LNPK: variants seen among roughly 807,000 people sequenced by gnomAD.
LNPK encodes endoplasmic reticulum junction formation protein lunapark.
A neutral mutation model predicts 55.2 loss-of-function variants in LNPK; 29 were observed. The observed-to-expected ratio is 0.53, with a 90% CI of 0.39 to 0.72. The LOEUF is 0.72. Ranked by LOEUF, LNPK falls within the 30% of genes least tolerant of loss-of-function variation. The pLI, the probability that LNPK is intolerant of heterozygous loss-of-function variation, is 0.00. For missense variants in LNPK, 467 were observed against 494.8 expected, an observed-to-expected ratio of 0.94 and a Z score of 0.53; for synonymous variants, 162 against 168.2, an observed-to-expected ratio of 0.96 and a Z score of 0.29.
At chr2:175,977,198 G>A (rs950857254) in intron 5 of LNPK, among the ~76,000 whole-genome samples, 3 of 152,154 alleles carry the variant, frequency 2.0e-5, no homozygotes, top group African/African-American at 7.2e-5. Context: ...TAACAAATAG[G>A]CAATATCTGA....
At chr2:175,934,959 T>G (rs960405801) in intron 12 of LNPK, among the ~76,000 whole-genome samples, 2 of 152,164 alleles carry the variant, frequency 1.3e-5, no homozygotes, top group Admixed American at 1.3e-4. Context: ...AGATTCTGTA[T>G]GTTTTTCTAA....
intron 1 of LNPK, 147 bp downstream of exon 1, chr2:176,002,013 C>T: frequency 3.5e-6 from 1 of 289,420 alleles, no homozygotes; most frequent in Non-Finnish European, 6.8e-6. Context: ...GACTAGCAGC[C>T]GCCGCAGAGC....
Position 175,964,556 on chromosome 2 carries a change from T to C in LNPK, c.391A>G (p.Thr131Ala), listed in dbSNP as rs776586339. Reference protein sequence around the residue: ...EEVMEKETYKTAKLILERFDP... With the variant: ...EEVMEKETYKAAKLILERFDP... ...AACCTTTCAAGAATTAATTTAGCCG[T>C]CTTGTAAGTTTCTTTTTCCATGACT... The change falls in exon 7 of 13, where the codon ACG becomes GCG. Residue 131 changes from threonine to alanine, a missense_variant. Physicochemically the swap from Thr to Ala is moderately conservative, Grantham distance 58. Transcript: ENST00000272748. The C allele has an allele frequency of 2.5e-6, 4 of 1,610,650 alleles. No individual in the cohort carries two copies. The highest frequency in any genetic ancestry group is 3.4e-6 in the Non-Finnish European group (4 of 1,177,818).
intron 8 of LNPK, among the ~76,000 whole-genome samples, chr2:175,951,306 T>C (rs1685385584): frequency 6.6e-6 from 1 of 151,936 alleles, no homozygotes; most frequent in Admixed American, 6.6e-5. Flanking sequence ...TTTAAGATCT[T>C]GGTGCACCCA....
intron 9 of LNPK, among the ~76,000 whole-genome samples, chr2:175,944,682 T>C (rs1685034966): frequency 4.6e-5 from 7 of 152,116 alleles, no homozygotes; most frequent in African/African-American, 9.7e-5. Context: ...CCCTGCAATA[T>C]AGGGATACAA....
In LNPK at chr2:175,924,692, A is replaced by T. The variant is rs1410814647; in HGVS notation, c.*5275T>A. 1 of 79,036 alleles carries T rather than the reference A, an allele frequency of 1.3e-5. No individual in the cohort carries two copies. The highest frequency in any genetic ancestry group is 4.4e-5 in the African/African-American group (1 of 22,534). 4.9% of individuals were successfully genotyped at this position (79,036 alleles called of 1,614,324 possible). On this transcript the variant is annotated 3_prime_UTR_variant, in exon 13 of 13. Transcript: ENST00000272748. ...TAATTTACTGAAAAAAAAACAAAAC[A>T]AACAAAAAAAAAAAACAAAGAAGAA...
At chr2:175,980,049 G>A (rs1381877473) in intron 4 of LNPK, among the ~76,000 whole-genome samples, 181 bp from the exon 5 acceptor site, 2 of 152,148 alleles carry the variant, frequency 1.3e-5, no homozygotes, top group Non-Finnish European at 2.9e-5. Context: ...TTCAAAGGAG[G>A]AGTTCTCAAC....
chr2:175,967,908 A>G (rs2105642988), intron 6 of LNPK: 1 of 301,938 alleles, frequency 3.3e-6, no homozygotes, highest in South Asian at 1.3e-4. Context: ...ATAGAGAATA[A>G]AAGCTAAAAT....
chr2:175,932,405 A>T (rs1022866471), intron 12 of LNPK, among the ~76,000 whole-genome samples: 3 of 152,208 alleles, frequency 2.0e-5, no homozygotes, highest in African/African-American at 4.8e-5. Flanking sequence ...GAAGTCTTCC[A>T]GTCACTACTG....
At chr2:175,941,827 GA>G (rs1684860796) in intron 9 of LNPK, among the ~76,000 whole-genome samples, 1 of 122,200 alleles carries the variant, frequency 8.2e-6, no homozygotes, top group Non-Finnish European at 1.7e-5. Flanking sequence ...AAAGAAGAGA[GA>G]GAGAAATCTT....
chr2:175,937,226 A>C, intron 12 of LNPK, 118 bp downstream of exon 12: 1 of 932,380 alleles, frequency 1.1e-6, no homozygotes, highest in South Asian at 1.7e-5. Context: ...GCCGTAGTTG[A>C]CATATGCATG....
intron 4 of LNPK, among the ~76,000 whole-genome samples, chr2:175,987,911 G>A (rs937602879): frequency 6.6e-6 from 1 of 152,088 alleles, no homozygotes; most frequent in African/African-American, 2.4e-5. Context: ...AGAGGACAGC[G>A]TAAACATTTT....
intron 6 of LNPK, among the ~76,000 whole-genome samples, chr2:175,968,599 ATAAC>A (rs1686489564): frequency 1.3e-5 from 2 of 152,320 alleles, no homozygotes; most frequent in South Asian, 2.1e-4. Flanking sequence ...AATTTTTTAG[ATAAC>A]TAAAGATTAC....
intron 4 of LNPK, among the ~76,000 whole-genome samples, chr2:175,989,345 T>C (rs1386102398): frequency 6.6e-6 from 1 of 152,124 alleles, no homozygotes; most frequent in East Asian, 1.9e-4. Flanking sequence ...CAACCCCATT[T>C]TGAGAGGCAA....
At chr2:175,967,815 T>C in intron 6 of LNPK, 1 of 919,840 alleles carries the variant, frequency 1.1e-6, no homozygotes, top group South Asian at 5.0e-5. Flanking sequence ...AAGGTGAATA[T>C]TCAAACACTG....
At chr2:175,936,456 A>G (rs13411253) in intron 12 of LNPK, among the ~76,000 whole-genome samples, 41,602 of 152,092 alleles carry the variant, frequency 0.27, 6,319 homozygotes, top group South Asian at 0.42. Context: ...GATAATTCCT[A>G]GAAATTAAAA....
chr2:175,950,880 T>G (rs1309479458), intron 8 of LNPK, among the ~76,000 whole-genome samples: 1 of 152,146 alleles, frequency 6.6e-6, no homozygotes, highest in African/African-American at 2.4e-5. Context: ...ACGATTATTA[T>G]AAATCAAAAA....
chr2:175,979,705 T>C (rs1171894513), intron 5 of LNPK, 105 bp downstream of exon 5: 10 of 983,066 alleles, frequency 1.0e-5, no homozygotes, highest in African/African-American at 8.3e-5. Context: ...TCTTCAATAC[T>C]TAACACATTA....
At position 175,928,509 on chromosome 2, in the gene LNPK, C is replaced by CAAAAAA. The variant is rs35161150; in HGVS notation, c.*1452_*1457dup. 1 of 107,150 alleles carries CAAAAAA rather than the reference C, an allele frequency of 9.3e-6. No individual in the cohort carries two copies. Among genetic ancestry groups the CAAAAAA allele is most frequent in the Non-Finnish European group, 1.9e-5 (1 of 53,114 alleles). 6.6% of individuals were successfully genotyped at this position (107,150 alleles called of 1,614,324 possible). A position where few individuals can be genotyped will look rare whatever the true frequency, so the allele number is the denominator to read the frequency against. On this transcript the variant is annotated 3_prime_UTR_variant, in exon 13 of 13. Coordinates refer to ENST00000272748, the MANE Select transcript of LNPK (RefSeq NM_030650.3). The stretch of plus-strand genomic sequence containing the variant: ...CCCAGACTGTTAACAGATTGAGTTC[C>CAAAAAA]AAAAAAAAAAAAAAAAAAAAACTGT...
Sources: allele counts gnomAD v4.1 joint callset (sites outside exome capture counted in the v4.1 genomes callset), GRCh38; gene constraint gnomAD v4.1.1; transcripts MANE v1.5; gene names NCBI Gene and HGNC (gene_info 2026-07-23, HGNC 2026-07-21).